GRM1: variants seen among roughly 807,000 people sequenced by gnomAD.
GRM1 encodes the protein glutamate metabotropic receptor 1, also known as metabotropic glutamate receptor 1.
GRM1 carries 33 observed loss-of-function variants against 90.9 expected under a neutral mutation model. The ratio of observed to expected loss-of-function variants is 0.36; its 90% CI spans 0.28 to 0.49. The LOEUF is 0.49. GRM1 is among the 20% of genes least tolerant of loss of function. The pLI is 0.99. For synonymous variants in GRM1, 700 were observed against 613.2 expected (o/e 1.14, Z -2.09); for missense variants, 1,190 against 1,534.3 (o/e 0.78, Z 3.75).
intron 1 of GRM1, among the ~76,000 whole-genome samples, chr6:146,064,540 A>G (rs1429676802): frequency 6.6e-6 from 1 of 152,158 alleles, no homozygotes; most frequent in Non-Finnish European, 1.5e-5. Flanking sequence ...TCTTTTTGCT[A>G]AAATATGATA....
intron 1 of GRM1, among the ~76,000 whole-genome samples, chr6:146,102,481 C>A (rs1219345939): frequency 6.6e-6 from 1 of 152,184 alleles, no homozygotes; most frequent in Non-Finnish European, 1.5e-5. Flanking sequence ...CACCCTTTAT[C>A]CATTTGCTCA....
chr6:146,221,848 G>A (rs1360205598), intron 2 of GRM1, among the ~76,000 whole-genome samples: 2 of 152,126 alleles, frequency 1.3e-5, no homozygotes, highest in African/African-American at 4.8e-5. Context: ...GTGAGATGAT[G>A]TTCTAATAAG....
chr6:146,044,110 G>A (rs187835192), intron 1 of GRM1, among the ~76,000 whole-genome samples: 3 of 151,992 alleles, frequency 2.0e-5, no homozygotes, highest in African/African-American at 7.2e-5. Flanking sequence ...CCTGCCATGA[G>A]GCTGTGTTTG....
At chr6:146,130,888 C>A (rs1268305793) in intron 1 of GRM1, among the ~76,000 whole-genome samples, 1 of 152,042 alleles carries the variant, frequency 6.6e-6, no homozygotes, top group African/African-American at 2.4e-5. Context: ...GAGTCTTCAA[C>A]CTTCTTTGTT....
chr6:146,135,302 C>T (rs984188888), intron 1 of GRM1, among the ~76,000 whole-genome samples: 3 of 152,122 alleles, frequency 2.0e-5, no homozygotes, highest in African/African-American at 7.2e-5. Flanking sequence ...TGCTTATCAC[C>T]ATTCTGCAAT....
At chr6:146,080,304 C>G (rs1295819924) in intron 1 of GRM1, among the ~76,000 whole-genome samples, 19 of 152,088 alleles carry the variant, frequency 1.2e-4, no homozygotes, top group Admixed American at 1.2e-3. Context: ...TATTACTTTC[C>G]TCTTTTTTCC....
At chr6:146,338,268 G>A (rs1431243424) in intron 3 of GRM1, among the ~76,000 whole-genome samples, 1 of 152,178 alleles carries the variant, frequency 6.6e-6, no homozygotes, top group Non-Finnish European at 1.5e-5. Context: ...TTTTTCAATG[G>A]TGATATAATC....
intron 1 of GRM1, among the ~76,000 whole-genome samples, chr6:146,118,074 T>A (rs1775825405): frequency 6.6e-6 from 1 of 152,014 alleles, no homozygotes; most frequent in Middle Eastern, 3.4e-3. Context: ...AGTAGCAAAC[T>A]TTGTATGTCT....
chr6:146,157,434 C>T (rs1207902210), intron 1 of GRM1, among the ~76,000 whole-genome samples: 1 of 151,956 alleles, frequency 6.6e-6, no homozygotes, highest in African/African-American at 2.4e-5. Flanking sequence ...CTCATCAAGA[C>T]GTATACATTA....
chr6:146,158,017 T>C (rs989523921), intron 1 of GRM1, among the ~76,000 whole-genome samples: 3 of 152,352 alleles, frequency 2.0e-5, no homozygotes, highest in African/African-American at 7.2e-5. Flanking sequence ...ATTCCTTCTG[T>C]AAGAAAATTT....
chr6:146,100,226 T>G (rs932890491), intron 1 of GRM1, among the ~76,000 whole-genome samples: 1 of 152,256 alleles, frequency 6.6e-6, no homozygotes, highest in Non-Finnish European at 1.5e-5. Flanking sequence ...TATTGAAGTA[T>G]TGTTTTATGT....
chr6:146,341,622 C>T (rs1044898635), intron 3 of GRM1, among the ~76,000 whole-genome samples: 3 of 152,204 alleles, frequency 2.0e-5, no homozygotes, highest in African/African-American at 7.2e-5. Context: ...GGGAATAACA[C>T]ATGACTCTCT....
chr6:146,172,662 G>A (rs946186125), intron 2 of GRM1, among the ~76,000 whole-genome samples: 2 of 152,140 alleles, frequency 1.3e-5, no homozygotes, highest in Non-Finnish European at 2.9e-5. Flanking sequence ...GGATAGCCAA[G>A]AAAGGTCTTA....
intron 3 of GRM1, among the ~76,000 whole-genome samples, chr6:146,324,247 C>A (rs1784317664): frequency 1.3e-5 from 2 of 152,058 alleles, no homozygotes; most frequent in African/African-American, 4.8e-5. Flanking sequence ...CTCCACCCAC[C>A]AAGGTCTAGC....
intron 3 of GRM1, among the ~76,000 whole-genome samples, chr6:146,331,112 G>A (rs938947315): frequency 6.6e-6 from 1 of 152,180 alleles, no homozygotes. Flanking sequence ...CAGCCTTCTT[G>A]TATCATCAGG....
At chr6:146,346,868 G>T (rs1785206169) in intron 3 of GRM1, among the ~76,000 whole-genome samples, 1 of 152,188 alleles carries the variant, frequency 6.6e-6, no homozygotes, top group Admixed American at 6.5e-5. Context: ...AAGCAGTGGA[G>T]AGCTACAAAT....
At chr6:146,392,429 T>C (rs1776760863) in intron 6 of GRM1, among the ~76,000 whole-genome samples, 2 of 152,198 alleles carry the variant, frequency 1.3e-5, no homozygotes, top group African/African-American at 4.8e-5. Flanking sequence ...GTTACATGAG[T>C]GTCTTCTACA....
intron 1 of GRM1, among the ~76,000 whole-genome samples, chr6:146,097,883 C>T (rs184570100): frequency 5.9e-5 from 9 of 152,318 alleles, no homozygotes; most frequent in African/African-American, 2.2e-4. Flanking sequence ...CTATTTATTG[C>T]TTATACCAGC....
intron 7 of GRM1, among the ~76,000 whole-genome samples, chr6:146,410,549 G>A (rs1287512098): frequency 6.6e-6 from 1 of 152,150 alleles, no homozygotes; most frequent in African/African-American, 2.4e-5. Flanking sequence ...ATGTGACAAA[G>A]TGAAGTTCTA....
Sources: gnomAD v4.1 joint callset for allele counts (sites outside exome capture counted in the v4.1 genomes callset) on GRCh38, gnomAD v4.1.1 for gene constraint, MANE v1.5 for transcripts, NCBI Gene and HGNC (gene_info 2026-07-23, HGNC 2026-07-21) for gene names.